ZKSCAN7: variants seen among roughly 807,000 people sequenced by gnomAD.
The protein encoded by ZKSCAN7 is zinc finger protein with KRAB and SCAN domains 7.
In ZKSCAN7, 38 loss-of-function variants were observed where a neutral mutation model predicts 65.3. The observed-to-expected ratio is 0.58, with a 90% CI of 0.45 to 0.76. ZKSCAN7 has a LOEUF of 0.76. ZKSCAN7 is among the 30% of genes least tolerant of loss of function. The probability of loss-of-function intolerance (pLI) is 0.00; values close to 1 mark genes in which losing one functional copy is unlikely to be tolerated. For missense variants in ZKSCAN7, 815 were observed against 913.3 expected (o/e 0.89, Z 1.39); for synonymous variants, 321 against 321.0 (o/e 1.00, Z 0.00).
At chr3:44,578,251 C>T in intron 5 of ZKSCAN7, 1 of 1,560,604 alleles carries the variant, frequency 6.4e-7, no homozygotes, top group East Asian at 2.2e-5. Flanking sequence ...ACAGTGCTGT[C>T]TGCAGCTCAT....
At chr3:44,569,870 C>A (rs1194983994) in intron 5 of ZKSCAN7, 52 bp from the exon 6 acceptor site, 6 of 1,486,664 alleles carry the variant, frequency 4.0e-6, no homozygotes, top group Non-Finnish European at 5.4e-6. Context: ...GATTCTCTTT[C>A]TTAAACAGGA....
In ZKSCAN7 at chr3:44,577,281, C is replaced by CTT. The variant is rs35642284; in HGVS notation, c.812-5681_812-5680dup. Reference sequence around the variant, plus strand: ...CCATGCCCAGCCCAAATAACCAATTCTTTTTTTTTTTGTTTTTTTTTAGGA... The same window carrying CTT: ...CCATGCCCAGCCCAAATAACCAATTCTTTTTTTTTTTTTGTTTTTTTTTAGGA... On this transcript the variant is annotated intron_variant, in intron 5 of 5. Coordinates refer to the ZKSCAN7 transcript ENST00000341840. 5.8e-3 allele frequency among the ~76,000 whole-genome samples: 848 copies of CTT among 146,914 alleles called. 8 individuals are homozygous for CTT. Among genetic ancestry groups the CTT allele is most frequent in the Non-Finnish European group, 9.2e-3 (610 of 66,542 alleles).
chr3:44,582,573 A>G (rs923740155), intron 5 of ZKSCAN7, among the ~76,000 whole-genome samples: 3 of 152,212 alleles, frequency 2.0e-5, no homozygotes, highest in Non-Finnish European at 4.4e-5. Context: ...ATGACACACA[A>G]AAAAACACCC....
intron 3 of ZKSCAN7, among the ~76,000 whole-genome samples, chr3:44,567,257 G>T (rs1699664034): frequency 1.3e-5 from 2 of 152,074 alleles, no homozygotes; most frequent in African/African-American, 2.4e-5. Flanking sequence ...GGGAAGGGAA[G>T]AGTGAAGGAA....
chr3:44,575,741 C>T (rs1699909945), downstream of ZKSCAN7, among the ~76,000 whole-genome samples: 1 of 152,094 alleles, frequency 6.6e-6, no homozygotes, highest in African/African-American at 2.4e-5. Context: ...CCATGCCAGG[C>T]TAATTTTTGT....
chr3:44,573,568 CTTTATA>C (rs1242377814), downstream of ZKSCAN7, among the ~76,000 whole-genome samples: 5 of 152,138 alleles, frequency 3.3e-5, no homozygotes, highest in South Asian at 2.1e-4. Context: ...TTGTTTTCAA[CTTTATA>C]TTTAGTATGT....
intron 5 of ZKSCAN7, chr3:44,580,763 C>G (rs978638300): frequency 3.3e-5 from 53 of 1,613,628 alleles, no homozygotes; most frequent in Non-Finnish European, 9.3e-6. Flanking sequence ...TCGTGGGCAT[C>G]TCATCCAGGG....
At chr3:44,564,513 T>G (rs1165406300) in intron 2 of ZKSCAN7, among the ~76,000 whole-genome samples, 1 of 152,218 alleles carries the variant, frequency 6.6e-6, no homozygotes, top group Non-Finnish European at 1.5e-5. Flanking sequence ...AATAAAGACA[T>G]AAGTAAGATT....
rs773288829 is a variant in ZKSCAN7 at position 44,565,490 on chromosome 3, TC to T, written c.428del (p.Ser143Ter). The part of the protein sequence containing the change: ...QRHLSGSEEV[S>X]APAQKQEMHF... ...AATTGTATTTCCCTCTCTCTAGGTT[TC>T]AGCCCCAGCACAGAAACAGGAAATG... On this transcript the variant is annotated frameshift_variant, in exon 3 of 6. Transcript: ENST00000426540. LOFTEE classifies it high-confidence loss of function. The T allele has an allele frequency of 6.2e-7, 1 of 1,606,350 alleles. No homozygotes were observed. The highest frequency in any genetic ancestry group is 8.5e-7 in the Non-Finnish European group (1 of 1,176,464).
At chr3:44,575,870 G>A (rs1214210971), downstream of ZKSCAN7, among the ~76,000 whole-genome samples, 3 of 152,110 alleles carry the variant, frequency 2.0e-5, no homozygotes, top group Admixed American at 6.5e-5. Flanking sequence ...GAGCCACTGC[G>A]CCTGGCCTTA....
downstream of ZKSCAN7, among the ~76,000 whole-genome samples, chr3:44,574,277 A>G (rs1320382716): frequency 6.6e-6 from 1 of 152,042 alleles, no homozygotes; most frequent in Non-Finnish European, 1.5e-5. Context: ...ATGCCCAGCT[A>G]ATTTTTTGAT....
intron 1 of ZKSCAN7, 106 bp from the exon 2 acceptor site, chr3:44,556,824 G>A: frequency 3.2e-6 from 2 of 622,394 alleles, no homozygotes; most frequent in South Asian, 4.0e-5. Context: ...AGAATGCCTG[G>A]TTGTGTTCTT....
intron 5 of ZKSCAN7, among the ~76,000 whole-genome samples, chr3:44,582,220 C>A (rs532330373): frequency 1.3e-5 from 2 of 152,258 alleles, no homozygotes; most frequent in African/African-American, 4.8e-5. Context: ...CATAACAGTC[C>A]TCCACTAATA....
In ZKSCAN7 at chr3:44,570,189, T is replaced by C. The variant is rs769890667; in HGVS notation, c.1079T>C (p.Val360Ala). 3.1e-6 allele frequency: 5 copies of C among 1,613,962 alleles called. No homozygotes were observed. In the South Asian group the frequency reaches 3.3e-5, roughly 11 times the overall value. ...TKDRYDKYKE[V>A]GEHPPLSSSP... ...GACAGATATGACAAATATAAGGAAGTTGGGGAACATCCACCTCTGTCTTCC... is the reference window on the plus strand; with the variant it reads ...GACAGATATGACAAATATAAGGAAGCTGGGGAACATCCACCTCTGTCTTCC... The change falls in exon 6 of 6, where the codon GTT (valine) becomes GCT (alanine). Residue 360 changes from valine (V) to alanine (A), a missense_variant. Physicochemically the swap from Val to Ala is moderately conservative, Grantham distance 64. Around this residue, in one of 3 missense-constraint regions of ZKSCAN7, gnomAD observed 578 missense variants for 629.5 expected, o/e 0.92. Coordinates refer to ENST00000426540, the MANE Select transcript of ZKSCAN7 (RefSeq NM_001288590.2).
chr3:44,571,609 C>G lies in ZKSCAN7; in HGVS notation c.*234C>G. On this transcript the variant is annotated 3_prime_UTR_variant, in exon 6 of 6. Coordinates refer to ENST00000426540, the MANE Select transcript of ZKSCAN7 (RefSeq NM_001288590.2). The stretch of plus-strand genomic sequence containing the variant: ...TGTAGGTTTCCTTTTTTTTTCTTTA[C>G]TTTTAAATTTTAACTTTTAAAATCT... 1 of 1,347,136 alleles carries G rather than the reference C, an allele frequency of 7.4e-7. No homozygotes were observed. The highest frequency in any genetic ancestry group is 2.8e-5 in the East Asian group (1 of 36,132). The allele number at this position is 1,347,136 out of a possible 1,614,324, so 83.4% of individuals were successfully genotyped here.
intron 5 of ZKSCAN7, chr3:44,580,489 T>A: frequency 2.5e-6 from 4 of 1,583,632 alleles, no homozygotes; most frequent in Non-Finnish European, 3.5e-6. Context: ...CTGCTGCTGC[T>A]GGTGGTAACA....
At chr3:44,555,922 C>T (rs1341611122) in intron 1 of ZKSCAN7, among the ~76,000 whole-genome samples, 2 of 152,192 alleles carry the variant, frequency 1.3e-5, no homozygotes, top group Admixed American at 1.3e-4. Flanking sequence ...ATTATGTGTG[C>T]CATGTGCACA....
Position 44,578,302 on chromosome 3 carries a change from C to G in ZKSCAN7, c.812-4670C>G, listed in dbSNP as rs145256857. 7 of 1,588,218 alleles carry G rather than the reference C, an allele frequency of 4.4e-6. No individual in the cohort carries two copies. The East Asian group carries it at 1.6e-4, about 35-fold the overall frequency. ...TCTCCTGTTTCAGGTACTGTATTTCCGATTCCTATATCCGCAATAAGACTT... is the reference window on the plus strand; with the variant it reads ...TCTCCTGTTTCAGGTACTGTATTTCGGATTCCTATATCCGCAATAAGACTT... On this transcript the variant is annotated intron_variant, in intron 5 of 5. Coordinates refer to the ZKSCAN7 transcript ENST00000341840.
downstream of ZKSCAN7, among the ~76,000 whole-genome samples, chr3:44,577,096 T>A (rs754841283): frequency 6.6e-6 from 1 of 152,018 alleles, no homozygotes; most frequent in Non-Finnish European, 1.5e-5. Flanking sequence ...CCTGAGTAGT[T>A]AGGACTACAG....
Sources: allele counts gnomAD v4.1 joint callset (sites outside exome capture counted in the v4.1 genomes callset), GRCh38; gene constraint gnomAD v4.1.1; regional missense constraint gnomAD v4.1.1; transcripts MANE v1.5; gene names NCBI Gene and HGNC (gene_info 2026-07-23, HGNC 2026-07-21).